Variants in C1GALT1 observed in about 807,000 individuals in gnomAD.
The protein encoded by C1GALT1 is glycoprotein-N-acetylgalactosamine 3-beta-galactosyltransferase 1.
A neutral mutation model predicts 31.0 loss-of-function variants in C1GALT1; 11 were observed. That is an observed-to-expected ratio of 0.36 (90% CI 0.22 to 0.59). The LOEUF (loss-of-function observed/expected upper bound fraction) is 0.59. Ranked by LOEUF, C1GALT1 falls within the 20% of genes least tolerant of loss-of-function variation. The pLI, the probability that C1GALT1 is intolerant of heterozygous loss-of-function variation, is 0.79. For synonymous variants in C1GALT1, 175 were observed against 143.6 expected, an observed-to-expected ratio of 1.22 and a Z score of -1.56; for missense variants, 424 against 425.2, an observed-to-expected ratio of 1.00 and a Z score of 0.03.
intron 1 of C1GALT1, among the ~76,000 whole-genome samples, chr7:7,228,533 T>C (rs1364753220): frequency 6.6e-6 from 1 of 152,156 alleles, no homozygotes; most frequent in African/African-American, 2.4e-5. Context: ...GTGGACATGA[T>C]TTTTGCCAAA....
At chr7:7,188,923 C>T (rs1043917120) in intron 1 of C1GALT1, among the ~76,000 whole-genome samples, 2 of 152,076 alleles carry the variant, frequency 1.3e-5, no homozygotes, top group African/African-American at 2.4e-5. Context: ...CATTACCCAA[C>T]GATACGAAAG....
chr7:7,197,852 T>C (rs10273490), intron 1 of C1GALT1, among the ~76,000 whole-genome samples: 14,597 of 152,194 alleles, frequency 0.096, 857 homozygotes, highest in East Asian at 0.16. Context: ...CTGTTATTGG[T>C]GTATAGGAAT....
chr7:7,211,497 T>G (rs1782001965), intron 1 of C1GALT1, among the ~76,000 whole-genome samples: 1 of 152,226 alleles, frequency 6.6e-6, no homozygotes, highest in African/African-American at 2.4e-5. Context: ...GGATAATAAT[T>G]AAGCAAAATA....
intron 1 of C1GALT1, among the ~76,000 whole-genome samples, chr7:7,216,425 C>G (rs530958495): frequency 1.3e-5 from 2 of 152,192 alleles, no homozygotes; most frequent in Middle Eastern, 3.4e-3. Flanking sequence ...CCCAAGCAGC[C>G]TTAGCTTATC....
chr7:7,183,842 A>G (rs1055052886), intron 1 of C1GALT1, among the ~76,000 whole-genome samples: 1 of 152,192 alleles, frequency 6.6e-6, no homozygotes, highest in Admixed American at 6.5e-5. Flanking sequence ...CTAACCATGG[A>G]TTGATTTCAT....
chr7:7,219,022 A>G (rs1177619163), intron 1 of C1GALT1, among the ~76,000 whole-genome samples: 3 of 151,856 alleles, frequency 2.0e-5, no homozygotes, highest in Non-Finnish European at 4.4e-5. Context: ...TTTTTTTAGC[A>G]GAGACAGGGT....
At chr7:7,187,464 TG>T (rs1358366753) in intron 1 of C1GALT1, among the ~76,000 whole-genome samples, 1 of 152,164 alleles carries the variant, frequency 6.6e-6, no homozygotes, top group Non-Finnish European at 1.5e-5. Flanking sequence ...AGATCTTTTA[TG>T]TAAATGTGAG....
chr7:7,177,909 G>T, upstream of C1GALT1: 1 of 171,392 alleles, frequency 5.8e-6, no homozygotes, highest in East Asian at 1.3e-4. Context: ...TTAGTGGATA[G>T]GGAAATTGAG....
At chr7:7,213,845 G>A (rs1282684786) in intron 1 of C1GALT1, among the ~76,000 whole-genome samples, 6 of 152,084 alleles carry the variant, frequency 3.9e-5, no homozygotes. Flanking sequence ...CTCTTGCTAT[G>A]CGTTTATTTC....
intron 1 of C1GALT1, among the ~76,000 whole-genome samples, chr7:7,201,004 C>G (rs374668576): frequency 6.6e-6 from 1 of 152,238 alleles, no homozygotes; most frequent in East Asian, 1.9e-4. Flanking sequence ...TCTCTCAACT[C>G]GTCAAAGTCA....
At chr7:7,225,069 T>C (rs946591238) in intron 1 of C1GALT1, among the ~76,000 whole-genome samples, 31 of 152,014 alleles carry the variant, frequency 2.0e-4, no homozygotes, top group Admixed American at 1.8e-3. Flanking sequence ...TTTTCTGTCC[T>C]GTGTTAGTTC....
chr7:7,177,052 CAACA>C (rs1780512178), intron 2 of C1GALT1, among the ~76,000 whole-genome samples: 1 of 152,186 alleles, frequency 6.6e-6, no homozygotes, highest in Non-Finnish European at 1.5e-5. Flanking sequence ...TCATCCACAA[CAACA>C]AACAGTCTGA....
intron 1 of C1GALT1, among the ~76,000 whole-genome samples, chr7:7,227,719 C>CA (rs57031681): frequency 0.26 from 31,029 of 118,638 alleles, 4,076 homozygotes; most frequent in Middle Eastern, 0.36. Flanking sequence ...GACTCCGTCT[C>CA]AAAAAAAAAA....
At chr7:7,182,966 G>A in intron 1 of C1GALT1, 146 bp downstream of exon 1, 1 of 512,240 alleles carries the variant, frequency 2.0e-6, no homozygotes, top group Non-Finnish European at 2.5e-6. Context: ...TCAAAGCCGG[G>A]CTGGGGTCGT....
rs116543729 is a variant in C1GALT1, at chr7:7,231,876, G to A, written c.-17-2427G>A. 3.2e-3 allele frequency among the ~76,000 whole-genome samples: 484 copies of A among 152,174 alleles called. 4 individuals are homozygous for A. Among genetic ancestry groups the A allele is most frequent in the African/African-American group, 0.011 (438 of 41,514 alleles). On this transcript the variant is annotated intron_variant, in intron 1 of 3. Transcript: ENST00000436587. ...AATATTTTTACAGTTAGGCTAGGGCGGATCATCCAGTCAGTGGCTGAGATG... is the reference window on the plus strand; with the variant it reads ...AATATTTTTACAGTTAGGCTAGGGCAGATCATCCAGTCAGTGGCTGAGATG...
rs533249432 is a variant in C1GALT1, at chr7:7,176,302, C to A, written c.-18+18876C>A. ...AACTTGAAATAAGAAAAAAAAAATG[C>A]CACATTATGCAGCTACACAATTTGT... On this transcript the variant is annotated intron_variant, in intron 2 of 3. Transcript: ENST00000429911. Among the ~76,000 whole-genome samples, 4 of 152,192 alleles carry A rather than the reference C, an allele frequency of 2.6e-5. No individual in the cohort carries two copies. The South Asian group carries it at 8.3e-4, about 32-fold the overall frequency.
intron 3 of C1GALT1, among the ~76,000 whole-genome samples, chr7:7,239,505 A>T (rs768830195): frequency 5.3e-5 from 8 of 152,212 alleles, no homozygotes; most frequent in Non-Finnish European, 1.2e-4. Context: ...TAATAGCCGA[A>T]CAACCTTGGA....
intron 2 of C1GALT1, among the ~76,000 whole-genome samples, chr7:7,173,340 C>T (rs1278884588): frequency 1.3e-5 from 2 of 151,838 alleles, no homozygotes; most frequent in African/African-American, 2.4e-5. Flanking sequence ...CTGAGGATTC[C>T]CTGGAAGCCA....
Position 7,234,558 on chromosome 7 carries a change from A to G in C1GALT1, c.220+19A>G. ...CATAAAGGTATGGTTTACTTTATTA[A>G]GCAGTAAACATAAGCAGTATTTTAG... On this transcript the variant is annotated intron_variant, in intron 2 of 3. Transcript: ENST00000436587. 9.0e-6 allele frequency: 14 copies of G among 1,550,732 alleles called. No homozygotes were observed. The highest frequency in any genetic ancestry group is 1.2e-5 in the Non-Finnish European group (14 of 1,124,026).
Sources: gnomAD v4.1 joint callset for allele counts (sites outside exome capture counted in the v4.1 genomes callset) on GRCh38, gnomAD v4.1.1 for gene constraint, MANE v1.5 for transcripts, NCBI Gene and HGNC (gene_info 2026-07-23, HGNC 2026-07-21) for gene names.